The following PCDHGA6 variants were observed in gnomAD, a reference collection of about 807,000 sequenced individuals.
The protein encoded by PCDHGA6 is protocadherin gamma-A6.
PCDHGA6 carries 41 observed loss-of-function variants against 60.6 expected under a neutral mutation model. The ratio of observed to expected loss-of-function variants is 0.68; its 90% CI spans 0.53 to 0.88. The LOEUF (loss-of-function observed/expected upper bound fraction) is 0.88, where lower values mean the gene tolerates loss of function less well. PCDHGA6 is among the 40% of genes least tolerant of loss of function. The pLI is 0.00. For synonymous variants in PCDHGA6, 594 were observed against 524.4 expected, an observed-to-expected ratio of 1.13 and a Z score of -1.81; for missense variants, 1,312 against 1,203.0, an observed-to-expected ratio of 1.09 and a Z score of -1.34.
chr5:141,485,961 A>G lies in PCDHGA6; in HGVS notation c.2425-8846A>G. Reference sequence around the variant, plus strand: ...GCACCAGCGGGCATGGTGCTCATCCAGCTCAATGCCTCAGACCCGGACCTG... The same window carrying G: ...GCACCAGCGGGCATGGTGCTCATCCGGCTCAATGCCTCAGACCCGGACCTG... On this transcript the variant is annotated intron_variant, in intron 1 of 3. Coordinates refer to ENST00000517434, the MANE Select transcript of PCDHGA6 (RefSeq NM_018919.3). This position sits in a 1 kb window ranked among gnomAD's most constrained non-coding sequence, Gnocchi z 5.7. 1 of 1,614,204 alleles carries G rather than the reference A, an allele frequency of 6.2e-7. No individual in the cohort carries two copies. Among genetic ancestry groups the G allele is most frequent in the Non-Finnish European group, 8.5e-7 (1 of 1,180,028 alleles).
chr5:141,381,725 G>T (rs568567698), intron 1 of PCDHGA6, among the ~76,000 whole-genome samples: 1 of 151,768 alleles, frequency 6.6e-6, no homozygotes, highest in Admixed American at 6.6e-5. Flanking sequence ...AAGACTGGGA[G>T]TGAGAATATT....
rs2099389707 is a variant in PCDHGA6, at chr5:141,476,358, G to A, written c.2425-18449G>A. On this transcript the variant is annotated intron_variant, in intron 1 of 3. Transcript: ENST00000517434. This position sits in a 1 kb window ranked among gnomAD's most constrained non-coding sequence, Gnocchi z 7.6. ...AGCCGAAGATTCTTTGAGGTGAACC[G>A]GGAGACCGGAGAGATGTTTGTGAAC... 6.2e-7 allele frequency: 1 copy of A among 1,614,134 alleles called. No individual in the cohort carries two copies. The highest frequency in any genetic ancestry group is 8.5e-7 in the Non-Finnish European group (1 of 1,180,022).
At chr5:141,393,970 C>T (rs746781669) in intron 1 of PCDHGA6, 5 of 1,613,870 alleles carry the variant, frequency 3.1e-6, no homozygotes, top group Middle Eastern at 3.3e-4. Flanking sequence ...GTCTGTTACA[C>T]ACGTGATAAT....
At chr5:141,452,524 C>T (rs542476667) in intron 1 of PCDHGA6, among the ~76,000 whole-genome samples, 83 of 152,294 alleles carry the variant, frequency 5.4e-4, no homozygotes, top group African/African-American at 1.9e-3. Flanking sequence ...CCCTCAAAAT[C>T]GTGAGTTCAT....
chr5:141,455,928 C>T (rs1160778812), intron 1 of PCDHGA6, among the ~76,000 whole-genome samples: 3 of 151,158 alleles, frequency 2.0e-5, no homozygotes, highest in African/African-American at 4.9e-5. Context: ...GACGGAGTCT[C>T]GCTCTGTCGC....
At chr5:141,416,004 A>G (rs1225801773) in intron 1 of PCDHGA6, 2 of 254,264 alleles carry the variant, frequency 7.9e-6, no homozygotes, top group Non-Finnish European at 1.4e-5. Flanking sequence ...CAGGTCTGGT[A>G]AGAATAGGTA....
chr5:141,476,309 A>G lies in PCDHGA6; in HGVS notation c.2425-18498A>G. ...GGATCTCGGTAGCCTCTCAGCCCGC[A>G]GGTTCCGGGTGGTGTCTGGAGCTAG... On this transcript the variant is annotated intron_variant, in intron 1 of 3. Transcript: ENST00000517434. The surrounding 1 kb of genome is among the most constrained non-coding windows in gnomAD (Gnocchi z 7.6). The G allele has an allele frequency of 6.2e-7, 1 of 1,613,966 alleles. No homozygotes were observed. Among genetic ancestry groups the G allele is most frequent in the Non-Finnish European group, 8.5e-7 (1 of 1,179,988 alleles).
chr5:141,421,054 A>G, intron 1 of PCDHGA6: 3 of 571,978 alleles, frequency 5.2e-6, no homozygotes, highest in Non-Finnish European at 9.0e-6. Context: ...CGCCTCTACC[A>G]CACAAAGCGG....
chr5:141,456,042 C>T (rs1437027249), intron 1 of PCDHGA6, among the ~76,000 whole-genome samples: 3 of 151,886 alleles, frequency 2.0e-5, no homozygotes, highest in Non-Finnish European at 2.9e-5. Flanking sequence ...GGACTACAGG[C>T]GCCCACCACC....
intron 1 of PCDHGA6, chr5:141,400,541 T>C: frequency 6.2e-7 from 1 of 1,613,832 alleles, no homozygotes; most frequent in Admixed American, 1.7e-5. Flanking sequence ...TTCATTTATG[T>C]CTATTCTTTT....
At chr5:141,449,055 A>T (rs1056298558) in intron 1 of PCDHGA6, among the ~76,000 whole-genome samples, 1 of 152,188 alleles carries the variant, frequency 6.6e-6, no homozygotes, top group Non-Finnish European at 1.5e-5. Context: ...CTCATAAATG[A>T]GCGCTATTGA....
intron 1 of PCDHGA6, chr5:141,408,786 C>A: frequency 6.2e-7 from 1 of 1,612,430 alleles, no homozygotes; most frequent in Non-Finnish European, 8.5e-7. Flanking sequence ...CCAGAGTTAT[C>A]TCTGGAGAAA....
In PCDHGA6 at chr5:141,432,571, G is replaced by A. The variant is rs776214748; in HGVS notation, c.2424+56064G>A. On this transcript the variant is annotated intron_variant, in intron 1 of 3. Coordinates refer to ENST00000517434, the MANE Select transcript of PCDHGA6 (RefSeq NM_018919.3). The surrounding 1 kb of genome is among the most constrained non-coding windows in gnomAD (Gnocchi z 6.0). ...GAGACTCCGGCCAGAACGCCTGGCT[G>A]TCCTACCGTCTGCTCAAGGCCAGCG... is the stretch of plus-strand genomic sequence containing the variant. 1.2e-6 allele frequency: 2 copies of A among 1,613,954 alleles called. No homozygotes were observed. Among genetic ancestry groups the A allele is most frequent in the South Asian group, 1.1e-5 (1 of 91,068 alleles).
rs759226115 is a variant in PCDHGA6 at position 141,405,385 on chromosome 5, A to AT, written c.2424+28886dup. 3.1e-5 allele frequency: 49 copies of AT among 1,599,976 alleles called. 1 individual carries two copies. The highest frequency in any genetic ancestry group is 2.8e-4 in the Admixed American group (16 of 56,782). On this transcript the variant is annotated intron_variant, in intron 1 of 3. Coordinates refer to ENST00000517434, the MANE Select transcript of PCDHGA6 (RefSeq NM_018919.3). ...ACACCCCTTTGGTTCCGGTGAGTTC[A>AT]TTTTTTTTCTTTCTTTCTTTTCTTT...
At chr5:141,423,495 C>T in intron 1 of PCDHGA6, 1 of 1,613,946 alleles carries the variant, frequency 6.2e-7, no homozygotes, top group African/African-American at 1.3e-5. Context: ...CCTATTCCCA[C>T]GAGGTCTCTC....
intron 1 of PCDHGA6, chr5:141,422,542 G>T (rs368252552): frequency 1.2e-5 from 19 of 1,613,878 alleles, no homozygotes; most frequent in Admixed American, 1.7e-5. Context: ...AGAAACTCAT[G>T]TCTGGCTGAA....
rs747550525 is a variant in PCDHGA6 at position 141,374,602 on chromosome 5, T to A, written c.519T>A (p.Ser173Arg). The change falls in exon 1 of 4, where the codon AGT becomes AGA. Residue 173 changes from serine (S) to arginine (R), a missense_variant. Transcript: ENST00000517434. ...GMNSLQGFKL[S>R]GNSHFSVDVQ... ...ACTCCCTTCAGGGATTTAAGCTCAGTGGTAATAGTCACTTCTCAGTGGACG... is the reference window on the plus strand; with the variant it reads ...ACTCCCTTCAGGGATTTAAGCTCAGAGGTAATAGTCACTTCTCAGTGGACG... The A allele has an allele frequency of 9.9e-6, 16 of 1,613,534 alleles. No homozygotes were observed. The highest frequency in any genetic ancestry group is 1.3e-5 in the Non-Finnish European group (15 of 1,179,740).
At chr5:141,438,591 C>CATATATATATATAT (rs946798767) in intron 1 of PCDHGA6, among the ~76,000 whole-genome samples, 3 of 75,556 alleles carry the variant, frequency 4.0e-5, no homozygotes, top group Non-Finnish European at 8.0e-5. Context: ...TACATACATA[C>CATATATATATATAT]ATATATATAT....
In PCDHGA6 at chr5:141,477,143, G is replaced by T; in HGVS notation, c.2425-17664G>T. On this transcript the variant is annotated intron_variant, in intron 1 of 3. Transcript: ENST00000517434. The surrounding 1 kb of genome is among the most constrained non-coding windows in gnomAD (Gnocchi z 4.9). The stretch of plus-strand genomic sequence containing the variant: ...ACATTGCAAAGTGTTGGTGGAGGTT[G>T]TGGATGTGAATGACAACGCCCCGGA... The T allele has an allele frequency of 6.2e-7, 1 of 1,614,198 alleles. No homozygotes were observed. The highest frequency in any genetic ancestry group is 8.5e-7 in the Non-Finnish European group (1 of 1,180,036).
Sources: allele counts gnomAD v4.1 joint callset (sites outside exome capture counted in the v4.1 genomes callset), GRCh38; gene constraint gnomAD v4.1.1; non-coding constraint Gnocchi (gnomAD v3.1); transcripts MANE v1.5; gene names NCBI Gene and HGNC (gene_info 2026-07-23, HGNC 2026-07-21).